The following ANKRD11 variants were observed in gnomAD, a reference collection of about 807,000 sequenced individuals.
ANKRD11 encodes ankyrin repeat domain 11.
ANKRD11 carries 17 observed loss-of-function variants against 195.7 expected under a neutral mutation model. The ratio of observed to expected loss-of-function variants is 0.09; its 90% CI spans 0.06 to 0.13. The LOEUF is 0.13. Ranked by LOEUF, ANKRD11 falls within the 10% of genes least tolerant of loss-of-function variation. ANKRD11 has a pLI of 1.00. For synonymous variants in ANKRD11, 1,953 were observed against 1,528.1 expected (o/e 1.28, Z -6.49); for missense variants, 3,735 against 3,566.1 (o/e 1.05, Z -1.21).
At chr16:89,449,505 G>T (rs908203142) in intron 1 of ANKRD11, among the ~76,000 whole-genome samples, 2 of 151,994 alleles carry the variant, frequency 1.3e-5, no homozygotes, top group African/African-American at 4.8e-5. Context: ...TAGAAAGGGG[G>T]TGTGCAGGCC....
Position 89,270,862 on chromosome 16 carries a change from G to C in ANKRD11, c.7761C>G (p.Phe2587Leu). 2 of 1,614,078 alleles carry C rather than the reference G, an allele frequency of 1.2e-6. No homozygotes were observed. The highest frequency in any genetic ancestry group is 1.7e-6 in the Non-Finnish European group (2 of 1,180,008). ...SVRDRFNARQFISWLQDVDDK... is the reference protein window; with the variant it reads ...SVRDRFNARQLISWLQDVDDK... ...CATCCACGTCCTGGAGCCAGGAGATGAACTGGCGGGCGTTGAAACGGTCGC... is the reference window on the plus strand; with the variant it reads ...CATCCACGTCCTGGAGCCAGGAGATCAACTGGCGGGCGTTGAAACGGTCGC... Residue 2587 changes from phenylalanine (F) to leucine (L), a missense_variant, in exon 12 of 13, where the codon TTC becomes TTG. Transcript: ENST00000301030.
At chr16:89,385,988 C>T (rs1414652190) in intron 2 of ANKRD11, among the ~76,000 whole-genome samples, 1 of 152,248 alleles carries the variant, frequency 6.6e-6, no homozygotes, top group Non-Finnish European at 1.5e-5. Context: ...TCAAGCCGGC[C>T]TCCCGCTCAG....
chr16:89,285,157 G>C lies in ANKRD11; in HGVS notation c.1385C>G (p.Thr462Arg), dbSNP rs765490326. Residue 462 changes from threonine to arginine, a missense_variant, in exon 9 of 13, where the codon ACA (threonine) becomes AGA (arginine). Physicochemically the swap from Thr to Arg is moderately conservative, Grantham distance 71 (BLOSUM62 -1). Coordinates refer to ENST00000301030, the MANE Select transcript of ANKRD11 (RefSeq NM_013275.6). The surrounding 1 kb of genome is among the most constrained non-coding windows in gnomAD (Gnocchi z 5.6). ...TCCGAAGCGAACCTCTCTGCCTTTT[G>C]TTTCTTTCTTTCGCTTCTTTTTCAC... is the stretch of plus-strand genomic sequence containing the variant. ...NKVKKKRKKE[T>R]KGREVRFGKR... The C allele has an allele frequency of 2.5e-5, 41 of 1,613,344 alleles. No homozygotes were observed. Among genetic ancestry groups the C allele is most frequent in the East Asian group, 2.5e-4 (11 of 44,894 alleles).
chr16:89,428,663 A>G (rs2152263920), intron 1 of ANKRD11, among the ~76,000 whole-genome samples: 1 of 152,274 alleles, frequency 6.6e-6, no homozygotes, highest in African/African-American at 2.4e-5. Context: ...TGGGAGGCCG[A>G]AGTGGATGGA....
chr16:89,323,636 C>G (rs981156965), intron 2 of ANKRD11: 3 of 325,010 alleles, frequency 9.2e-6, no homozygotes. Flanking sequence ...GACAGAGGCC[C>G]TCACAGGAAC....
At chr16:89,350,853 T>C (rs570916393) in intron 2 of ANKRD11, among the ~76,000 whole-genome samples, 122 of 152,278 alleles carry the variant, frequency 8.0e-4, no homozygotes, top group African/African-American at 2.8e-3. Context: ...AAGATGCTAA[T>C]GGAGTGGAAC....
chr16:89,313,894 T>TGAG (rs2036771882), intron 3 of ANKRD11, among the ~76,000 whole-genome samples: 1 of 152,182 alleles, frequency 6.6e-6, no homozygotes, highest in Non-Finnish European at 1.5e-5. Flanking sequence ...TCTGCCTCCA[T>TGAG]GAGGAAAATG....
chr16:89,268,981 A>G (rs2032886034), intron 12 of ANKRD11, among the ~76,000 whole-genome samples: 1 of 152,210 alleles, frequency 6.6e-6, no homozygotes, highest in Admixed American at 6.5e-5. Flanking sequence ...GCTTATTAGA[A>G]TCGAACAGCT....
At chr16:89,346,887 ACAAAGT>A (rs1371932206) in intron 2 of ANKRD11, among the ~76,000 whole-genome samples, 5 of 152,260 alleles carry the variant, frequency 3.3e-5, no homozygotes, top group African/African-American at 9.6e-5. Flanking sequence ...CAGAGACTAA[ACAAAGT>A]CAAAGGTGAG....
At chr16:89,375,866 C>G (rs145469865) in intron 2 of ANKRD11, among the ~76,000 whole-genome samples, 2 of 151,180 alleles carry the variant, frequency 1.3e-5, no homozygotes, top group Non-Finnish European at 2.9e-5. Flanking sequence ...CAGACCCACA[C>G]AAAGTGCCAC....
intron 4 of ANKRD11, chr16:89,298,356 C>T (rs1209057936): frequency 6.6e-6 from 1 of 152,364 alleles, no homozygotes; most frequent in East Asian, 1.9e-4. Context: ...CTGCAGGGCA[C>T]AGGCCTGCCT....
chr16:89,452,408 A>T (rs2044118247), intron 1 of ANKRD11, among the ~76,000 whole-genome samples: 1 of 152,130 alleles, frequency 6.6e-6, no homozygotes, highest in Non-Finnish European at 1.5e-5. Context: ...GGCTCCAGGA[A>T]CCCCAAGTTC....
At chr16:89,323,392 G>C in intron 2 of ANKRD11, 5 of 1,260,398 alleles carry the variant, frequency 4.0e-6, no homozygotes, top group South Asian at 1.2e-5. Context: ...GGCAAGGGGA[G>C]AGCAAGCAGC....
chr16:89,384,513 C>T (rs527370683), intron 2 of ANKRD11, among the ~76,000 whole-genome samples: 25 of 146,680 alleles, frequency 1.7e-4, no homozygotes, highest in African/African-American at 6.3e-4. Context: ...CAGGATGGGA[C>T]GACATGGAAC....
chr16:89,409,261 G>T (rs1007993272), intron 2 of ANKRD11, among the ~76,000 whole-genome samples: 17 of 152,186 alleles, frequency 1.1e-4, no homozygotes, highest in Non-Finnish European at 4.4e-5. Flanking sequence ...CCAAGTCCTG[G>T]TGTTAGAATA....
chr16:89,316,171 C>T (rs2036944061), intron 3 of ANKRD11, among the ~76,000 whole-genome samples: 1 of 152,124 alleles, frequency 6.6e-6, no homozygotes, highest in African/African-American at 2.4e-5. Context: ...TCACCATTCA[C>T]TCCACCAGAC....
intron 2 of ANKRD11, among the ~76,000 whole-genome samples, chr16:89,325,846 T>C (rs933341162): frequency 6.6e-6 from 1 of 152,202 alleles, no homozygotes; most frequent in Admixed American, 6.5e-5. Flanking sequence ...TCAGGGGTCT[T>C]GGCCTCCTAG....
chr16:89,480,633 T>C (rs983479503), intron 1 of ANKRD11, among the ~76,000 whole-genome samples: 1 of 152,152 alleles, frequency 6.6e-6, no homozygotes, highest in African/African-American at 2.4e-5. Context: ...ATCCCCGTTC[T>C]TCTTTCTATA....
At chr16:89,440,248 G>A (rs541528991) in intron 1 of ANKRD11, among the ~76,000 whole-genome samples, 111 of 152,256 alleles carry the variant, frequency 7.3e-4, no homozygotes, top group Non-Finnish European at 1.3e-3. Flanking sequence ...ATATGTTCAC[G>A]TAAAATGTAC....
Sources: gnomAD v4.1 joint callset for allele counts (sites outside exome capture counted in the v4.1 genomes callset) on GRCh38, gnomAD v4.1.1 for gene constraint, Gnocchi (gnomAD v3.1) non-coding constraint, MANE v1.5 for transcripts, NCBI Gene and HGNC (gene_info 2026-07-23, HGNC 2026-07-21) for gene names.